SCAPER: variants seen among roughly 807,000 people sequenced by gnomAD.
SCAPER encodes S-phase cyclin A associated protein in the ER.
Under a neutral mutation model 182.2 loss-of-function variants are expected in SCAPER, and 98 were observed. The observed-to-expected ratio is 0.54, with a 90% confidence interval of 0.46 to 0.64. The LOEUF is 0.64. Among genes scored for constraint, SCAPER ranks in the 30% least tolerant of loss-of-function variants. The probability of loss-of-function intolerance (pLI) is 0.00; values close to 1 mark genes in which losing one functional copy is unlikely to be tolerated. For synonymous variants in SCAPER, 605 were observed against 564.6 expected (o/e 1.07, Z -1.01); for missense variants, 1,432 against 1,690.0 (o/e 0.85, Z 2.68).
Position 76,718,589 on chromosome 15 carries a change from C to T in SCAPER, c.2165+10006G>A, listed in dbSNP as rs2060017846. Reference sequence around the variant, plus strand: ...CTGGGAAGTGGAGGCTGCAGTGAGCCAAAATCATGCCACTTCACTCCAGCC... The same window carrying T: ...CTGGGAAGTGGAGGCTGCAGTGAGCTAAAATCATGCCACTTCACTCCAGCC... On this transcript the variant is annotated intron_variant, in intron 17 of 31. Coordinates refer to ENST00000563290, the MANE Select transcript of SCAPER (RefSeq NM_020843.4). Among the ~76,000 whole-genome samples, 5 of 149,520 alleles carry T rather than the reference C, an allele frequency of 3.3e-5. No homozygotes were observed. In the South Asian group the frequency reaches 1.1e-3, roughly 32 times the overall value.
In SCAPER at chr15:76,701,606, C is replaced by T. The variant is rs141117592; in HGVS notation, c.2508+152G>A. Among the ~76,000 whole-genome samples, 1,143 of 152,162 alleles carry T rather than the reference C, an allele frequency of 7.5e-3. 18 individuals are homozygous for T. The highest frequency in any genetic ancestry group is 0.026 in the African/African-American group (1,081 of 41,482). The stretch of plus-strand genomic sequence containing the variant: ...ATTAATATATACACTAAAATAATGA[C>T]ACATTTGTACACTATATTGTAGTAG... On this transcript the variant is annotated intron_variant, in intron 20 of 31. Coordinates refer to ENST00000563290, the MANE Select transcript of SCAPER (RefSeq NM_020843.4).
intron 1 of SCAPER, among the ~76,000 whole-genome samples, chr15:76,898,347 C>G (rs1421269704): frequency 6.6e-6 from 1 of 152,064 alleles, no homozygotes; most frequent in East Asian, 1.9e-4. Flanking sequence ...GGCAGTTCCT[C>G]AAAAAGTAAA....
chr15:76,769,905 G>GT (rs1185170046), intron 10 of SCAPER, among the ~76,000 whole-genome samples: 2 of 152,204 alleles, frequency 1.3e-5, no homozygotes, highest in East Asian at 3.9e-4. Flanking sequence ...ACACGCACAC[G>GT]TATGTTTATT....
At chr15:76,844,703 C>G (rs2069866497) in intron 4 of SCAPER, among the ~76,000 whole-genome samples, 1 of 152,022 alleles carries the variant, frequency 6.6e-6, no homozygotes, top group South Asian at 2.1e-4. Flanking sequence ...TAACAAGTAA[C>G]AAGATCAAAG....
At chr15:76,666,275 T>TA (rs2056570717) in intron 20 of SCAPER, among the ~76,000 whole-genome samples, 1 of 152,178 alleles carries the variant, frequency 6.6e-6, no homozygotes, top group East Asian at 1.9e-4. Context: ...ATATTTGGCC[T>TA]GTGAGTAGGG....
chr15:76,512,434 C>T (rs1240774801), intron 23 of SCAPER, among the ~76,000 whole-genome samples: 1 of 151,746 alleles, frequency 6.6e-6, no homozygotes, highest in East Asian at 1.9e-4. Flanking sequence ...AGTGTAAAGC[C>T]TTTAGGTACT....
rs548169475 is a variant in SCAPER at position 76,730,094 on chromosome 15, T to C, written c.2023-1357A>G. Reference sequence around the variant, plus strand: ...AAGTTCTCAGCATAGAGTTTAGCCATAGTAAGGGCTCAGTAAAAGATAGCA... The same window carrying C: ...AAGTTCTCAGCATAGAGTTTAGCCACAGTAAGGGCTCAGTAAAAGATAGCA... On this transcript the variant is annotated intron_variant, in intron 16 of 31. Transcript: ENST00000563290. 4.6e-5 allele frequency among the ~76,000 whole-genome samples: 7 copies of C among 152,228 alleles called. No individual in the cohort carries two copies. In the South Asian group the frequency reaches 1.5e-3, roughly 32 times the overall value.
At chr15:76,681,562 G>A (rs1567784491) in intron 20 of SCAPER, among the ~76,000 whole-genome samples, 2 of 152,162 alleles carry the variant, frequency 1.3e-5, no homozygotes, top group African/African-American at 4.8e-5. Flanking sequence ...AGCAGCGAGA[G>A]TGAACAGAAG....
chr15:76,713,845 A>G (rs1263367044), intron 17 of SCAPER, among the ~76,000 whole-genome samples: 2 of 152,160 alleles, frequency 1.3e-5, no homozygotes, highest in Non-Finnish European at 2.9e-5. Flanking sequence ...AAAGTTTGAT[A>G]TACATCTACT....
intron 1 of SCAPER, among the ~76,000 whole-genome samples, chr15:76,901,078 T>C (rs2152630276): frequency 6.6e-6 from 1 of 152,206 alleles, no homozygotes; most frequent in South Asian, 2.1e-4. Context: ...AAATGAGTAG[T>C]TTGTAGCCAG....
At chr15:76,546,029 C>T (rs1345359058) in intron 23 of SCAPER, among the ~76,000 whole-genome samples, 1 of 152,118 alleles carries the variant, frequency 6.6e-6, no homozygotes, top group Non-Finnish European at 1.5e-5. Flanking sequence ...GCTCAACATC[C>T]AGAACGCACA....
At chr15:76,725,630 C>T (rs1412047574) in intron 17 of SCAPER, among the ~76,000 whole-genome samples, 1 of 151,944 alleles carries the variant, frequency 6.6e-6, no homozygotes, top group Non-Finnish European at 1.5e-5. Context: ...GTATGGACTA[C>T]CATAAAAACA....
chr15:76,566,615 C>T (rs2047053736), intron 23 of SCAPER, among the ~76,000 whole-genome samples: 1 of 152,006 alleles, frequency 6.6e-6, no homozygotes, highest in Non-Finnish European at 1.5e-5. Context: ...AAAGTCAATG[C>T]AAATACAGAT....
At chr15:76,513,778 A>G (rs185451764) in intron 23 of SCAPER, among the ~76,000 whole-genome samples, 1 of 152,306 alleles carries the variant, frequency 6.6e-6, no homozygotes, top group Admixed American at 6.5e-5. Flanking sequence ...TACACTAAAA[A>G]TCCTTAACCA....
At chr15:76,866,597 T>C (rs1216176342) in intron 2 of SCAPER, among the ~76,000 whole-genome samples, 1 of 152,224 alleles carries the variant, frequency 6.6e-6, no homozygotes, top group African/African-American at 2.4e-5. Flanking sequence ...TACTACAAGA[T>C]CTGATTGAAA....
At chr15:76,381,723 G>C in intron 27 of SCAPER, 108 bp from the exon 28 acceptor site, 1 of 850,398 alleles carries the variant, frequency 1.2e-6, no homozygotes, top group Non-Finnish European at 1.8e-6. Context: ...CAAACCATCT[G>C]AGTTGTATAG....
At chr15:76,725,378 A>C (rs1224636812) in intron 17 of SCAPER, among the ~76,000 whole-genome samples, 1 of 151,676 alleles carries the variant, frequency 6.6e-6, no homozygotes, top group African/African-American at 2.4e-5. Context: ...CATCCTTTAC[A>C]AGCAGCCCAC....
chr15:76,847,748 C>G (rs2070261770), intron 4 of SCAPER, among the ~76,000 whole-genome samples: 1 of 152,058 alleles, frequency 6.6e-6, no homozygotes, highest in South Asian at 2.1e-4. Flanking sequence ...CAGCAAGACC[C>G]TATTTCTACA....
At chr15:76,549,983 C>T (rs1352969356) in intron 23 of SCAPER, among the ~76,000 whole-genome samples, 1 of 151,972 alleles carries the variant, frequency 6.6e-6, no homozygotes, top group African/African-American at 2.4e-5. Context: ...AAAACTTCTG[C>T]ATAACAAAGG....
Sources: allele counts gnomAD v4.1 joint callset (sites outside exome capture counted in the v4.1 genomes callset), GRCh38; gene constraint gnomAD v4.1.1; transcripts MANE v1.5; gene names NCBI Gene and HGNC (gene_info 2026-07-23, HGNC 2026-07-21).